The following NR4A3 variants were observed in gnomAD, a reference collection of about 807,000 sequenced individuals.
NR4A3 encodes nuclear receptor subfamily 4 group A member 3, also known as chondrosarcoma, extraskeletal myxoid, fused to EWS.
NR4A3 carries 13 observed loss-of-function variants against 55.6 expected under a neutral mutation model. The ratio of observed to expected loss-of-function variants is 0.23; its 90% CI spans 0.15 to 0.37. NR4A3 has a LOEUF of 0.37. NR4A3 is among the 10% of genes least tolerant of loss of function. The probability of loss-of-function intolerance (pLI) is 1.00; values close to 1 mark genes in which losing one functional copy is unlikely to be tolerated. For synonymous variants in NR4A3, 342 were observed against 357.9 expected (o/e 0.96, Z 0.50); for missense variants, 646 against 822.8 (o/e 0.79, Z 2.63).
intron 7 of NR4A3, among the ~76,000 whole-genome samples, chr9:99,862,549 CAAAAAAAAAAA>C (rs59274273): frequency 8.1e-4 from 59 of 72,810 alleles, no homozygotes; most frequent in Middle Eastern, 7.5e-3. Flanking sequence ...GACTCTGTCT[CAAAAAAAAAAA>C]AAAAAAAAAA....
chr9:99,847,716 A>G, intron 7 of NR4A3, 101 bp downstream of exon 7: 1 of 1,086,326 alleles, frequency 9.2e-7, no homozygotes, highest in Non-Finnish European at 1.3e-6. Flanking sequence ...AAGTGGGAAA[A>G]TGACTACCAT....
intron 7 of NR4A3, among the ~76,000 whole-genome samples, chr9:99,860,625 C>G (rs1374699323): frequency 6.6e-6 from 1 of 152,230 alleles, no homozygotes; most frequent in Non-Finnish European, 1.5e-5. Context: ...TCACAACAGT[C>G]TCTTCTGAGA....
At position 99,825,794 on chromosome 9, in the gene NR4A3, C is replaced by T; in HGVS notation, c.-41C>T. ...ACACTCTCAGCCTCCGCTGGAGAGACCCCCAGCCCCACCATTCAGCGCGCA... is the reference window on the plus strand; with the variant it reads ...ACACTCTCAGCCTCCGCTGGAGAGATCCCCAGCCCCACCATTCAGCGCGCA... On this transcript the variant is annotated 5_prime_UTR_variant, in exon 2 of 8. Transcript: ENST00000395097. This position sits in a 1 kb window ranked among gnomAD's most constrained non-coding sequence, Gnocchi z 5.0. The T allele has an allele frequency of 5.9e-6, 1 of 170,502 alleles. No homozygotes were observed. Among genetic ancestry groups the T allele is most frequent in the Non-Finnish European group, 1.3e-5 (1 of 78,256 alleles). The allele number at this position is 170,502 out of a possible 1,614,324, so 10.6% of individuals were successfully genotyped here. A position where few individuals can be genotyped will look rare whatever the true frequency, so the allele number is the denominator to read the frequency against.
At chr9:99,862,561 AAAAAAAAAAAAAAAAAAAAAAAG>A (rs897352520) in intron 7 of NR4A3, among the ~76,000 whole-genome samples, 2 of 33,992 alleles carry the variant, frequency 5.9e-5, no homozygotes, top group African/African-American at 1.9e-4. Flanking sequence ...AAAAAAAAAA[AAAAAAAAAAAAAAAAAAAAAAAG>A]AGAGAGAAAT....
intron 5 of NR4A3, chr9:99,834,751 C>G: frequency 1.0e-6 from 1 of 980,918 alleles, no homozygotes; most frequent in Non-Finnish European, 1.2e-6. Flanking sequence ...TTTCCCTCTT[C>G]CCCACCCTCA....
intron 2 of NR4A3, chr9:99,826,703 T>C: frequency 6.9e-7 from 1 of 1,446,392 alleles, no homozygotes; most frequent in African/African-American, 1.4e-5. Context: ...TGAACTGGCC[T>C]CTCCTCATCA....
intron 6 of NR4A3, 79 bp downstream of exon 6, chr9:99,844,927 G>A: frequency 8.9e-7 from 1 of 1,119,588 alleles, no homozygotes; most frequent in South Asian, 1.3e-5. Context: ...TGAATCATTG[G>A]TGAAACGTTT....
Position 99,822,291 on chromosome 9 carries a change from C to T in NR4A3, c.-293C>T, listed in dbSNP as rs929881846. On this transcript the variant is annotated 5_prime_UTR_variant, in exon 1 of 8. Transcript: ENST00000395097. This position sits in a 1 kb window ranked among gnomAD's most constrained non-coding sequence, Gnocchi z 4.9. Reference sequence around the variant, plus strand: ...CCAGCCGCTCACCGCCTCCGGGAGCCGCTGGGCTTGTACACCGCAGCCCTT... The same window carrying T: ...CCAGCCGCTCACCGCCTCCGGGAGCTGCTGGGCTTGTACACCGCAGCCCTT... The T allele has an allele frequency of 2.0e-5, 3 of 152,532 alleles. No individual in the cohort carries two copies. Among genetic ancestry groups the T allele is most frequent in the African/African-American group, 7.2e-5 (3 of 41,540 alleles). The allele number at this position is 152,532 out of a possible 1,614,324, so 9.4% of individuals were successfully genotyped here.
At chr9:99,845,560 T>C (rs1221322218) in intron 6 of NR4A3, among the ~76,000 whole-genome samples, 1 of 152,198 alleles carries the variant, frequency 6.6e-6, no homozygotes, top group African/African-American at 2.4e-5. Context: ...GTTATATATT[T>C]TTAGGAGATG....
chr9:99,836,671 C>T (rs911025700), intron 5 of NR4A3, among the ~76,000 whole-genome samples: 1 of 152,208 alleles, frequency 6.6e-6, no homozygotes, highest in African/African-American at 2.4e-5. Flanking sequence ...GGCCTCTTCC[C>T]GCTCACTTGT....
At position 99,833,213 on chromosome 9, in the gene NR4A3, T is replaced by G. The variant is rs79268641; in HGVS notation, c.1082-69T>G. On this transcript the variant is annotated intron_variant, in intron 4 of 7. Transcript: ENST00000395097. ...CTCAACTGTAATGTGTTTTTATTCC[T>G]TTTTGCGATTTATGGTCGTTCATTC... 5.6e-4 allele frequency: 846 copies of G among 1,521,048 alleles called. 5 individuals carry two copies. The African/African-American group carries it at 0.01, about 19-fold the overall frequency. The allele number at this position is 1,521,048 out of a possible 1,614,324, so 94.2% of individuals were successfully genotyped here.
In NR4A3 at chr9:99,828,850, C is replaced by T. The variant is rs1194878063; in HGVS notation, c.808C>T (p.Leu270=). 6.7e-7 allele frequency: 1 copy of T among 1,496,134 alleles called. No homozygotes were observed. The highest frequency in any genetic ancestry group is 8.9e-7 in the Non-Finnish European group (1 of 1,127,354). 92.7% of individuals were successfully genotyped at this position (1,496,134 alleles called of 1,614,324 possible). A position where few individuals can be genotyped will look rare whatever the true frequency, so the allele number is the denominator to read the frequency against. ...CACGCCCTCCCCTACCGCGTCCAGC[C>T]TGCTGGGCGAGAGTCCCAGCCTGCC... ...GLTPSPTASS[L]LGESPSLPSP... Residue 270 remains leucine (L), a synonymous_variant, in exon 3 of 8, where the codon CTG becomes TTG. Transcript: ENST00000395097. The surrounding 1 kb of genome is among the most constrained non-coding windows in gnomAD (Gnocchi z 7.7).
intron 5 of NR4A3, among the ~76,000 whole-genome samples, chr9:99,840,685 A>G (rs1827635673): frequency 6.6e-6 from 1 of 152,160 alleles, no homozygotes; most frequent in Admixed American, 6.5e-5. Context: ...TGCCTTGTCT[A>G]GAACTGCACA....
intron 5 of NR4A3, among the ~76,000 whole-genome samples, chr9:99,840,483 C>CT (rs910607561): frequency 2.0e-5 from 3 of 152,190 alleles, no homozygotes; most frequent in African/African-American, 7.2e-5. Context: ...ATTCTTTAGT[C>CT]TTTTTCTCTC....
chr9:99,850,287 ATC>A (rs1405972055), intron 7 of NR4A3, among the ~76,000 whole-genome samples: 1 of 152,198 alleles, frequency 6.6e-6, no homozygotes, highest in East Asian at 1.9e-4. Context: ...GTGAGAAAGA[ATC>A]TAAGAGGAAA....
chr9:99,826,884 G>T, intron 2 of NR4A3: 1 of 1,324,168 alleles, frequency 7.6e-7, no homozygotes. Flanking sequence ...CCAAAGAGGC[G>T]TTAAGCACCT....
chr9:99,847,191 G>A (rs1827769425), intron 6 of NR4A3, among the ~76,000 whole-genome samples: 1 of 152,170 alleles, frequency 6.6e-6, no homozygotes, highest in Non-Finnish European at 1.5e-5. Flanking sequence ...TAAGATAGCA[G>A]GTGCCACAGC....
chr9:99,859,795 C>A (rs1261052778), intron 7 of NR4A3, among the ~76,000 whole-genome samples: 1 of 152,124 alleles, frequency 6.6e-6, no homozygotes, highest in East Asian at 1.9e-4. Context: ...GTTCCTGTAT[C>A]CTGATGATGA....
intron 7 of NR4A3, among the ~76,000 whole-genome samples, chr9:99,850,862 A>C (rs1282265386): frequency 2.0e-5 from 3 of 152,226 alleles, no homozygotes; most frequent in Non-Finnish European, 4.4e-5. Flanking sequence ...TGATAGTGAC[A>C]GATTCCCTCA....
Sources: gnomAD v4.1 joint callset for allele counts (sites outside exome capture counted in the v4.1 genomes callset) on GRCh38, gnomAD v4.1.1 for gene constraint, Gnocchi (gnomAD v3.1) non-coding constraint, MANE v1.5 for transcripts, NCBI Gene and HGNC (gene_info 2026-07-23, HGNC 2026-07-21) for gene names.